SETD2: variants seen among roughly 807,000 people sequenced by gnomAD.
The protein encoded by SETD2 is SET domain containing 2, histone lysine methyltransferase.
In SETD2, 31 loss-of-function variants were observed where a neutral mutation model predicts 242.1. That is an observed-to-expected ratio of 0.13 (90% CI 0.10 to 0.17). The LOEUF (loss-of-function observed/expected upper bound fraction) is 0.17, where lower values mean the gene tolerates loss of function less well. Among genes scored for constraint, SETD2 ranks in the 10% least tolerant of loss-of-function variants. The pLI, the probability that SETD2 is intolerant of heterozygous loss-of-function variation, is 1.00. For missense variants in SETD2, 2,481 were observed against 3,046.3 expected, an observed-to-expected ratio of 0.81 and a Z score of 4.37; for synonymous variants, 1,006 against 1,066.5, an observed-to-expected ratio of 0.94 and a Z score of 1.11.
chr3:47,068,024 GT>G (rs892333051), intron 12 of SETD2, among the ~76,000 whole-genome samples: 1 of 152,146 alleles, frequency 6.6e-6, no homozygotes, highest in African/African-American at 2.4e-5. Context: ...ACCTTTTCTT[GT>G]GTTATCTAAG....
At chr3:47,045,519 TAAAAAAAA>T (rs902155233) in intron 16 of SETD2, among the ~76,000 whole-genome samples, 5 of 100,986 alleles carry the variant, frequency 5.0e-5, no homozygotes, top group African/African-American at 2.0e-4. Flanking sequence ...CTCCATCTCT[TAAAAAAAA>T]AAAAAAAAAA....
At chr3:47,073,516 A>G (rs1559691007) in intron 12 of SETD2, among the ~76,000 whole-genome samples, 1 of 152,192 alleles carries the variant, frequency 6.6e-6, no homozygotes, top group Non-Finnish European at 1.5e-5. Context: ...TAAAAATCAC[A>G]TACATGGGTG....
intron 15 of SETD2, among the ~76,000 whole-genome samples, chr3:47,049,343 A>G (rs1251164602): frequency 3.9e-5 from 2 of 51,358 alleles, no homozygotes; most frequent in Non-Finnish European, 7.8e-5. Flanking sequence ...ATATATATAT[A>G]TATATGTATT....
intron 5 of SETD2, 92 bp downstream of exon 5, chr3:47,113,784 A>C (rs1320682542): frequency 6.2e-6 from 8 of 1,290,996 alleles, no homozygotes; most frequent in Non-Finnish European, 8.5e-6. Flanking sequence ...GGTTCCAGTG[A>C]GCCAAGATCG....
At chr3:47,118,494 G>A (rs1443006304) in intron 3 of SETD2, among the ~76,000 whole-genome samples, 1 of 151,928 alleles carries the variant, frequency 6.6e-6, no homozygotes, top group Admixed American at 6.6e-5. Flanking sequence ...GGCTGAGACG[G>A]GCGGATCACC....
chr3:47,109,403 T>C (rs2107706641), intron 5 of SETD2, among the ~76,000 whole-genome samples: 1 of 152,204 alleles, frequency 6.6e-6, no homozygotes, highest in South Asian at 2.1e-4. Flanking sequence ...ACCAGAACTT[T>C]GGAAAGCCAA....
intron 16 of SETD2, among the ~76,000 whole-genome samples, chr3:47,043,090 A>C (rs1010104067): frequency 6.6e-6 from 1 of 151,958 alleles, no homozygotes; most frequent in Non-Finnish European, 1.5e-5. Context: ...ATATGACAGA[A>C]TGTTAACATT....
chr3:47,070,813 T>C (rs1279451756), intron 12 of SETD2, among the ~76,000 whole-genome samples: 1 of 152,180 alleles, frequency 6.6e-6, no homozygotes, highest in African/African-American at 2.4e-5. Flanking sequence ...AATAAGGACA[T>C]TTTTCAGATC....
At chr3:47,036,160 T>C (rs2038988118) in intron 18 of SETD2, among the ~76,000 whole-genome samples, 2 of 152,324 alleles carry the variant, frequency 1.3e-5, no homozygotes, top group African/African-American at 2.4e-5. Flanking sequence ...CTTCCACCTA[T>C]TCCCAATAAT....
At chr3:47,118,006 GT>G (rs1314686205) in intron 3 of SETD2, among the ~76,000 whole-genome samples, 1 of 152,146 alleles carries the variant, frequency 6.6e-6, no homozygotes, top group Admixed American at 6.5e-5. Flanking sequence ...GCTCTAAATG[GT>G]TATCTAATCT....
intron 19 of SETD2, among the ~76,000 whole-genome samples, chr3:47,018,698 A>G (rs573118337): frequency 6.6e-6 from 1 of 152,316 alleles, no homozygotes; most frequent in Admixed American, 6.5e-5. Flanking sequence ...TAGGGATTTC[A>G]TTACCCCCTG....
In SETD2 at chr3:47,138,755, G is replaced by A. The variant is rs534890507; in HGVS notation, c.72-12092C>T. On this transcript the variant is annotated intron_variant, in intron 1 of 20. Transcript: ENST00000409792. Reference sequence around the variant, plus strand: ...TAATTTTTGTATTTTTAGTAGAGACGGGGTTTCACCATGTTGGCCAGGCTG... The same window carrying A: ...TAATTTTTGTATTTTTAGTAGAGACAGGGTTTCACCATGTTGGCCAGGCTG... Among the ~76,000 whole-genome samples, 4 of 151,980 alleles carry A rather than the reference G, an allele frequency of 2.6e-5. No individual in the cohort carries two copies. In the East Asian group the frequency reaches 5.8e-4, roughly 22 times the overall value.
chr3:47,101,208 A>G (rs773212456), intron 8 of SETD2, among the ~76,000 whole-genome samples: 1 of 152,098 alleles, frequency 6.6e-6, no homozygotes, highest in Non-Finnish European at 1.5e-5. Flanking sequence ...TCAGAATTAC[A>G]TAAGAAATAT....
intron 14 of SETD2, among the ~76,000 whole-genome samples, chr3:47,059,959 A>G (rs990690988): frequency 6.6e-6 from 1 of 151,958 alleles, no homozygotes; most frequent in Non-Finnish European, 1.5e-5. Flanking sequence ...AATTTTTTGT[A>G]TTTTTAATAA....
At chr3:47,053,560 TCA>T (rs984890464) in intron 15 of SETD2, among the ~76,000 whole-genome samples, 16 of 152,192 alleles carry the variant, frequency 1.1e-4, no homozygotes, top group Admixed American at 5.2e-4. Context: ...TGTAAAAAAA[TCA>T]GTCACCTCTG....
intron 10 of SETD2, 115 bp downstream of exon 10, chr3:47,087,998 A>T: frequency 1.8e-6 from 2 of 1,087,786 alleles, no homozygotes; most frequent in Non-Finnish European, 2.5e-6. Context: ...CAAACAAATA[A>T]ATAAATAAAT....
chr3:47,164,042 G>T lies in SETD2; in HGVS notation c.-118C>A. On this transcript the variant is annotated 5_prime_UTR_variant, in exon 1 of 21. Coordinates refer to ENST00000409792, the MANE Select transcript of SETD2 (RefSeq NM_014159.7). The surrounding 1 kb of genome is among the most constrained non-coding windows in gnomAD (Gnocchi z 5.4). ...CGGCGGCGGCGGCGGCGGCGGCGGC[G>T]GCAGGGGCGGCCCGCGTCGCTACCT... is the stretch of plus-strand genomic sequence containing the variant. 1 of 1,209,326 alleles carries T rather than the reference G, an allele frequency of 8.3e-7. No individual in the cohort carries two copies. The highest frequency in any genetic ancestry group is 1.0e-6 in the Non-Finnish European group (1 of 968,464). The allele number at this position is 1,209,326 out of a possible 1,614,324, so 74.9% of individuals were successfully genotyped here.
chr3:47,086,611 GA>G (rs1307673114), intron 10 of SETD2, among the ~76,000 whole-genome samples: 1 of 151,850 alleles, frequency 6.6e-6, no homozygotes, highest in African/African-American at 2.4e-5. Flanking sequence ...GAAGAACTAA[GA>G]AAAAATTGCA....
intron 9 of SETD2, among the ~76,000 whole-genome samples, chr3:47,095,477 A>G (rs930595648): frequency 2.6e-5 from 4 of 152,156 alleles, no homozygotes; most frequent in African/African-American, 9.7e-5. Flanking sequence ...AACATGTTTA[A>G]TAACTACTTT....
Sources: allele counts gnomAD v4.1 joint callset (sites outside exome capture counted in the v4.1 genomes callset), GRCh38; gene constraint gnomAD v4.1.1; non-coding constraint Gnocchi (gnomAD v3.1); transcripts MANE v1.5; gene names NCBI Gene and HGNC (gene_info 2026-07-23, HGNC 2026-07-21).